CCR7: variants seen among roughly 807,000 people sequenced by gnomAD.
The protein encoded by CCR7 is C-C chemokine receptor type 7.
A neutral mutation model predicts 26.0 loss-of-function variants in CCR7; 11 were observed. The ratio of observed to expected loss-of-function variants is 0.42; its 90% confidence interval spans 0.27 to 0.70. The LOEUF is 0.70. CCR7 is among the 30% of genes least tolerant of loss of function. CCR7 has a pLI of 0.23. For synonymous variants in CCR7, 189 were observed against 202.1 expected, an observed-to-expected ratio of 0.94 and a Z score of 0.55; for missense variants, 360 against 504.0, an observed-to-expected ratio of 0.71 and a Z score of 2.74.
chr17:40,561,986 C>G (rs2036660611), intron 1 of CCR7, among the ~76,000 whole-genome samples: 2 of 152,202 alleles, frequency 1.3e-5, no homozygotes, highest in African/African-American at 2.4e-5. Context: ...GCGTGCCACA[C>G]TGTCTGCATG....
chr17:40,564,215 A>T (rs543144246), intron 1 of CCR7, among the ~76,000 whole-genome samples: 1 of 152,212 alleles, frequency 6.6e-6, no homozygotes, highest in Non-Finnish European at 1.5e-5. Flanking sequence ...CGGTGTATTC[A>T]TTCATTCCGC....
intron 2 of CCR7, 87 bp downstream of exon 2, chr17:40,558,806 A>G: frequency 8.4e-7 from 1 of 1,183,494 alleles, no homozygotes; most frequent in South Asian, 1.3e-5. Context: ...TGTATCTTCT[A>G]GCAAATGCCC....
At chr17:40,561,798 T>TC (rs1289469984) in intron 1 of CCR7, among the ~76,000 whole-genome samples, 1 of 149,834 alleles carries the variant, frequency 6.7e-6, no homozygotes, top group African/African-American at 2.5e-5. Flanking sequence ...TCTCTCTCTC[T>TC]TTTTTTTTGG....
chr17:40,558,158 C>G (rs1040145355), intron 2 of CCR7, among the ~76,000 whole-genome samples: 1 of 152,206 alleles, frequency 6.6e-6, no homozygotes, highest in Non-Finnish European at 1.5e-5. Context: ...AGTTGGACTC[C>G]CCTACCCCTA....
At position 40,555,515 on chromosome 17, in the gene CCR7, A is replaced by G; in HGVS notation, c.364T>C (p.Trp122Arg). 6.2e-7 allele frequency: 1 copy of G among 1,614,134 alleles called. No individual in the cohort carries two copies. Among genetic ancestry groups the G allele is most frequent in the Non-Finnish European group, 8.5e-7 (1 of 1,180,032 alleles). Reference sequence around the variant, plus strand: ...TTGCAAAAGTGGACACCGAAGACCCAGGACTTGGCCGCGCTGTAGGCCCAG... The same window carrying G: ...TTGCAAAAGTGGACACCGAAGACCCGGGACTTGGCCGCGCTGTAGGCCCAG... ...PFWAYSAAKSWVFGVHFCKLI... is the reference protein window; with the variant it reads ...PFWAYSAAKSRVFGVHFCKLI... Residue 122 changes from tryptophan (W) to arginine (R), a missense_variant, in exon 3 of 3, where the codon TGG becomes CGG. Trp to Arg is a moderately radical substitution (Grantham distance 101, BLOSUM62 -3). Transcript: ENST00000246657. The surrounding 1 kb of genome is among the most constrained non-coding windows in gnomAD (Gnocchi z 5.6).
chr17:40,554,473 C>G lies in CCR7; in HGVS notation c.*269G>C. 1 of 456,764 alleles carries G rather than the reference C, an allele frequency of 2.2e-6. No homozygotes were observed. Among genetic ancestry groups the G allele is most frequent in the Non-Finnish European group, 3.9e-6 (1 of 256,488 alleles). The allele number at this position is 456,764 out of a possible 1,614,324, so 28.3% of individuals were successfully genotyped here. A position where few individuals can be genotyped will look rare whatever the true frequency, so the allele number is the denominator to read the frequency against. On this transcript the variant is annotated 3_prime_UTR_variant, in exon 3 of 3. Transcript: ENST00000246657. ...GGAACAGTTTCTGGACTTTCACTTT[C>G]AGTTTTTGGTTTAGGGGACAATAGC...
At chr17:40,562,098 G>A (rs1358480514) in intron 1 of CCR7, among the ~76,000 whole-genome samples, 1 of 152,158 alleles carries the variant, frequency 6.6e-6, no homozygotes, top group Non-Finnish European at 1.5e-5. Context: ...CTTTCTCAGA[G>A]TCACACAATG....
intron 1 of CCR7, among the ~76,000 whole-genome samples, chr17:40,559,844 G>A (rs2036635089): frequency 6.6e-6 from 1 of 152,182 alleles, no homozygotes; most frequent in African/African-American, 2.4e-5. Flanking sequence ...GGCCCGAGAG[G>A]ACACAGAAGG....
intron 1 of CCR7, among the ~76,000 whole-genome samples, chr17:40,561,281 T>C (rs772321737): frequency 9.2e-5 from 14 of 152,138 alleles, no homozygotes; most frequent in Non-Finnish European, 1.5e-4. Context: ...CCAGGTGTTT[T>C]GGAGGAGGTG....
chr17:40,558,784 A>T, intron 2 of CCR7, 109 bp downstream of exon 2: 1 of 919,056 alleles, frequency 1.1e-6, no homozygotes, highest in South Asian at 1.4e-5. Context: ...AGGCGGGCTT[A>T]TGTCTGGGTC....
intron 2 of CCR7, among the ~76,000 whole-genome samples, chr17:40,557,996 C>T (rs545790181): frequency 6.6e-6 from 1 of 152,318 alleles, no homozygotes; most frequent in Non-Finnish European, 1.5e-5. Flanking sequence ...GGGCTGCAGC[C>T]CAGGCTCCGG....
intron 1 of CCR7, among the ~76,000 whole-genome samples, chr17:40,563,042 T>C (rs2036671015): frequency 6.6e-6 from 1 of 152,136 alleles, no homozygotes; most frequent in Admixed American, 6.6e-5. Flanking sequence ...CTACACACCC[T>C]TGAAAACCCA....
In CCR7 at chr17:40,554,389, TCA is replaced by T; in HGVS notation, c.*351_*352del. On this transcript the variant is annotated 3_prime_UTR_variant, in exon 3 of 3. Transcript: ENST00000246657. The stretch of plus-strand genomic sequence containing the variant: ...CCAGAAGGTTCATTCAGAGGACTCT[TCA>T]GGCCACTCCCACGCCCCTTGCACTC... The T allele has an allele frequency of 1.2e-5, 3 of 240,712 alleles. No individual in the cohort carries two copies. Among genetic ancestry groups the T allele is most frequent in the South Asian group, 7.6e-5 (1 of 13,102 alleles). 14.9% of individuals were successfully genotyped at this position (240,712 alleles called of 1,614,324 possible). A position where few individuals can be genotyped will look rare whatever the true frequency, so the allele number is the denominator to read the frequency against.
rs976794673 is a variant in CCR7, at chr17:40,554,850, G to A, written c.1029C>T (p.Asp343=). 3.1e-6 allele frequency: 5 copies of A among 1,614,098 alleles called. No homozygotes were observed. Among genetic ancestry groups the A allele is most frequent in the African/African-American group, 2.7e-5 (2 of 74,944 alleles). Residue 343 remains aspartate (D), a synonymous_variant, in exon 3 of 3, where the codon GAC becomes GAT. Coordinates refer to ENST00000246657, the MANE Select transcript of CCR7 (RefSeq NM_001838.4). ...FRNDLFKLFK[D]LGCLSQEQLR... Reference sequence around the variant, plus strand: ...GCTGCTCCTGGCTGAGGCAGCCCAGGTCCTTGAAGAGCTTGAAGAGATCGT... The same window carrying A: ...GCTGCTCCTGGCTGAGGCAGCCCAGATCCTTGAAGAGCTTGAAGAGATCGT...
intron 1 of CCR7, 49 bp from the exon 2 acceptor site, chr17:40,558,991 T>C (rs1294343053): frequency 1.3e-6 from 2 of 1,523,088 alleles, no homozygotes; most frequent in Non-Finnish European, 1.8e-6. Context: ...GACAAGTCTT[T>C]GTTATTAAAG....
chr17:40,557,097 C>A (rs1339101071), intron 2 of CCR7, among the ~76,000 whole-genome samples: 2 of 152,250 alleles, frequency 1.3e-5, no homozygotes, highest in Non-Finnish European at 2.9e-5. Context: ...TCTCCCCCCA[C>A]CTCTCTGCCT....
intron 1 of CCR7, among the ~76,000 whole-genome samples, chr17:40,561,496 A>G (rs1389958948): frequency 6.6e-6 from 1 of 152,228 alleles, no homozygotes; most frequent in Non-Finnish European, 1.5e-5. Context: ...TCTGGGGCTA[A>G]GGAGTGGTTG....
rs113971283 is a variant in CCR7, at chr17:40,565,375, T to G, written c.10+25A>C. ...GTGTCCAAGACCCTGGTACTGTTCC[T>G]TCTCACATGAAGAGGCTCACTCACC... On this transcript the variant is annotated intron_variant, in intron 1 of 2. Transcript: ENST00000246657. 1,403 of 1,607,100 alleles carry G rather than the reference T, an allele frequency of 8.7e-4. 11 individuals are homozygous for G. The African/African-American group carries it at 0.014, about 16-fold the overall frequency.
intron 1 of CCR7, among the ~76,000 whole-genome samples, chr17:40,561,646 T>A (rs2036657111): frequency 6.6e-6 from 1 of 152,156 alleles, no homozygotes; most frequent in African/African-American, 2.4e-5. Flanking sequence ...TGCCCCCATC[T>A]CCAAACCATG....
Sources: allele counts gnomAD v4.1 joint callset (sites outside exome capture counted in the v4.1 genomes callset), GRCh38; gene constraint gnomAD v4.1.1; non-coding constraint Gnocchi (gnomAD v3.1); transcripts MANE v1.5; gene names NCBI Gene and HGNC (gene_info 2026-07-23, HGNC 2026-07-21).